RBFOX1: variants seen among roughly 807,000 people sequenced by gnomAD.
RBFOX1 encodes the protein RNA binding fox-1 homolog 1.
A neutral mutation model predicts 57.7 loss-of-function variants in RBFOX1; 8 were observed. That is an observed-to-expected ratio of 0.14 (90% CI 0.08 to 0.25). The LOEUF (loss-of-function observed/expected upper bound fraction) is 0.25. Ranked by LOEUF, RBFOX1 falls within the 10% of genes least tolerant of loss-of-function variation. RBFOX1 has a pLI of 1.00. For synonymous variants in RBFOX1, 326 were observed against 222.4 expected, an observed-to-expected ratio of 1.47 and a Z score of -4.15; for missense variants, 611 against 548.5, an observed-to-expected ratio of 1.11 and a Z score of -1.14.
chr16:6,909,856 C>A (rs1209169445), intron 3 of RBFOX1, among the ~76,000 whole-genome samples: 5 of 152,150 alleles, frequency 3.3e-5, no homozygotes, highest in Non-Finnish European at 7.3e-5. Context: ...GCTCGGACCA[C>A]CCTCGTGTGA....
chr16:6,986,121 T>C (rs1268794527), intron 3 of RBFOX1, among the ~76,000 whole-genome samples: 2 of 151,330 alleles, frequency 1.3e-5, no homozygotes, highest in Non-Finnish European at 2.9e-5. Context: ...ATTCTAAACA[T>C]GAAAAAATGT....
At chr16:6,175,534 A>G (rs11648077) in intron 1 of RBFOX1, among the ~76,000 whole-genome samples, 95,596 of 152,040 alleles carry the variant, frequency 0.63, 31,072 homozygotes, top group African/African-American at 0.79. Flanking sequence ...ATGGGCTTAG[A>G]GGTGGTTGTA....
chr16:6,294,148 C>G (rs896988711), intron 1 of RBFOX1, among the ~76,000 whole-genome samples: 4 of 152,096 alleles, frequency 2.6e-5, no homozygotes, highest in African/African-American at 9.7e-5. Context: ...TGCCACTGCA[C>G]TCCAGCCTGA....
At chr16:7,552,792 C>T (rs1397081396) in intron 5 of RBFOX1, among the ~76,000 whole-genome samples, 1 of 152,160 alleles carries the variant, frequency 6.6e-6, no homozygotes, top group Non-Finnish European at 1.5e-5. Flanking sequence ...AAGAGATTCT[C>T]CTGCCTCAGA....
intron 1 of RBFOX1, among the ~76,000 whole-genome samples, chr16:5,286,791 C>T (rs1287157410): frequency 6.6e-6 from 1 of 152,148 alleles, no homozygotes; most frequent in African/African-American, 2.4e-5. Flanking sequence ...GTGGTACCAT[C>T]GTAGCCTAAA....
chr16:6,528,293 C>G (rs1046726081), intron 2 of RBFOX1, among the ~76,000 whole-genome samples: 1 of 152,198 alleles, frequency 6.6e-6, no homozygotes, highest in Non-Finnish European at 1.5e-5. Context: ...GACAATTAGA[C>G]TTCCACTTCC....
intron 3 of RBFOX1, among the ~76,000 whole-genome samples, chr16:7,017,628 A>G (rs1423527719): frequency 2.0e-5 from 3 of 152,140 alleles, no homozygotes; most frequent in African/African-American, 7.2e-5. Context: ...CCTCAGGTTG[A>G]AATGAGTGTT....
intron 3 of RBFOX1, among the ~76,000 whole-genome samples, chr16:6,982,993 TAAAAAAAAAAAAA>T (rs370173635): frequency 7.6e-5 from 6 of 79,360 alleles, no homozygotes; most frequent in Non-Finnish European, 1.2e-4. Flanking sequence ...AGACTCTGTC[TAAAAAAAAAAAAA>T]AAAAAAAAAA....
intron 5 of RBFOX1, among the ~76,000 whole-genome samples, chr16:7,578,664 T>C (rs1473228033): frequency 1.3e-5 from 2 of 152,236 alleles, no homozygotes; most frequent in Non-Finnish European, 2.9e-5. Context: ...GTCAGGATGA[T>C]TCCTCACTCA....
chr16:6,983,430 G>A (rs1281571715), intron 3 of RBFOX1, among the ~76,000 whole-genome samples: 1 of 150,728 alleles, frequency 6.6e-6, no homozygotes, highest in Non-Finnish European at 1.5e-5. Context: ...TGCTGCTTCT[G>A]GTCCGCCGAC....
At chr16:6,841,021 C>T (rs189794828) in intron 3 of RBFOX1, among the ~76,000 whole-genome samples, 7 of 152,250 alleles carry the variant, frequency 4.6e-5, no homozygotes, top group African/African-American at 1.7e-4. Flanking sequence ...TTGGGCTTAG[C>T]CTCCAGAATT....
chr16:6,432,173 T>A (rs2094119503), intron 2 of RBFOX1, among the ~76,000 whole-genome samples: 3 of 151,974 alleles, frequency 2.0e-5, no homozygotes, highest in Admixed American at 1.3e-4. Context: ...TCTGACTAGT[T>A]TTCTAGGCTG....
intron 3 of RBFOX1, among the ~76,000 whole-genome samples, chr16:5,759,435 T>C (rs942575581): frequency 6.6e-6 from 1 of 152,228 alleles, no homozygotes; most frequent in African/African-American, 2.4e-5. Flanking sequence ...CCTCACATCA[T>C]GTGTTGACAC....
intron 3 of RBFOX1, among the ~76,000 whole-genome samples, chr16:6,858,490 G>A (rs910091888): frequency 2.0e-5 from 3 of 152,136 alleles, no homozygotes; most frequent in Admixed American, 2.0e-4. Context: ...CCGGGCAGAG[G>A]TAGAACATAC....
intron 1 of RBFOX1, among the ~76,000 whole-genome samples, chr16:6,027,063 C>G (rs758650540): frequency 1.3e-5 from 2 of 152,154 alleles, no homozygotes; most frequent in Non-Finnish European, 2.9e-5. Context: ...CTGCATTTCC[C>G]CAAGATGTTG....
At chr16:6,007,291 C>T (rs781205105) in intron 4 of RBFOX1, among the ~76,000 whole-genome samples, 3 of 152,202 alleles carry the variant, frequency 2.0e-5, no homozygotes, top group Non-Finnish European at 2.9e-5. Context: ...GATGCTTGCT[C>T]TCCTGCTCTA....
intron 12 of RBFOX1, among the ~76,000 whole-genome samples, chr16:7,662,188 G>A (rs1162984329): frequency 6.6e-6 from 1 of 152,098 alleles, no homozygotes; most frequent in African/African-American, 2.4e-5. Context: ...AGACAGATGA[G>A]GTTCCACCAT....
chr16:6,142,474 G>C (rs894715789), intron 1 of RBFOX1, among the ~76,000 whole-genome samples: 1 of 151,994 alleles, frequency 6.6e-6, no homozygotes, highest in African/African-American at 2.4e-5. Context: ...GCCCGCCTCG[G>C]CCTCCCAAAG....
intron 3 of RBFOX1, among the ~76,000 whole-genome samples, chr16:5,826,770 C>T (rs1431190220): frequency 1.3e-5 from 2 of 152,200 alleles, no homozygotes; most frequent in Non-Finnish European, 2.9e-5. Flanking sequence ...TATTTTAACA[C>T]AAGTTCCTTT....
Sources: gnomAD v4.1 joint callset for allele counts (sites outside exome capture counted in the v4.1 genomes callset) on GRCh38, gnomAD v4.1.1 for gene constraint, MANE v1.5 for transcripts, NCBI Gene and HGNC (gene_info 2026-07-23, HGNC 2026-07-21) for gene names.